RIPK2: variants seen among roughly 807,000 people sequenced by gnomAD.
RIPK2 encodes receptor-interacting serine/threonine-protein kinase 2.
RIPK2 carries 38 observed loss-of-function variants against 60.9 expected under a neutral mutation model. The ratio of observed to expected loss-of-function variants is 0.62; its 90% CI spans 0.48 to 0.82. RIPK2 has a LOEUF of 0.82. Among genes scored for constraint, RIPK2 ranks in the 40% least tolerant of loss-of-function variants. The pLI is 0.00. For synonymous variants in RIPK2, 225 were observed against 223.4 expected, an observed-to-expected ratio of 1.01 and a Z score of -0.06; for missense variants, 518 against 647.0, an observed-to-expected ratio of 0.80 and a Z score of 2.16.
chr8:89,758,221 C>A lies in RIPK2; in HGVS notation c.161C>A (p.Pro54Gln), dbSNP rs1243773158. The A allele has an allele frequency of 1.9e-6, 3 of 1,606,348 alleles. No homozygotes were observed. The Admixed American group carries it at 5.0e-5, about 27-fold the overall frequency. ...GTGAAGCACCTGCACATCCACACTC[C>A]GCTGCTCGACAGGTAGGCAGTCACT... ...VAVKHLHIHT[P>Q]LLDSERKDVL... The change falls in exon 1 of 11, where the codon CCG (proline) becomes CAG (glutamine). Residue 54 changes from proline (P) to glutamine (Q), a missense_variant. This residue lies in a region of RIPK2 where 448 missense variants were observed against 534.7 expected (regional missense o/e 0.84). Coordinates refer to ENST00000220751, the MANE Select transcript of RIPK2 (RefSeq NM_003821.6).
At chr8:89,784,021 G>A (rs1809542358) in intron 7 of RIPK2, 29 bp from the exon 8 acceptor site, 1 of 1,168,660 alleles carries the variant, frequency 8.6e-7, no homozygotes, top group Non-Finnish European at 1.2e-6. Flanking sequence ...TCCAGTTAAA[G>A]TGTATATATA....
At chr8:89,762,451 T>C (rs1415606131) in intron 1 of RIPK2, among the ~76,000 whole-genome samples, 1 of 152,202 alleles carries the variant, frequency 6.6e-6, no homozygotes, top group Non-Finnish European at 1.5e-5. Flanking sequence ...TAATAAAACA[T>C]GCTCATTTGA....
chr8:89,765,596 A>G (rs1809214156), intron 3 of RIPK2, 100 bp downstream of exon 3: 1 of 682,752 alleles, frequency 1.5e-6, no homozygotes, highest in Admixed American at 3.0e-5. Context: ...GTCTCTCCTT[A>G]GAGATAGAGA....
chr8:89,779,749 G>A (rs781088810), intron 6 of RIPK2, among the ~76,000 whole-genome samples: 1 of 152,168 alleles, frequency 6.6e-6, no homozygotes, highest in Non-Finnish European at 1.5e-5. Context: ...TAGTTTTTAT[G>A]TGTAGTGTGA....
chr8:89,767,347 A>G (rs1041828543), intron 3 of RIPK2, among the ~76,000 whole-genome samples: 4 of 151,730 alleles, frequency 2.6e-5, no homozygotes, highest in African/African-American at 9.7e-5. Context: ...TCAGAAAATT[A>G]TTATAAATAT....
intron 3 of RIPK2, among the ~76,000 whole-genome samples, chr8:89,769,283 T>G (rs1007194494): frequency 3.3e-5 from 5 of 151,882 alleles, no homozygotes; most frequent in Non-Finnish European, 7.4e-5. Context: ...ATTTTGAGAT[T>G]TAGTGTATTT....
rs143223413 is a variant in RIPK2 at position 89,782,406 on chromosome 8, A to G, written c.940-1644A>G. 4.0e-3 allele frequency among the ~76,000 whole-genome samples: 615 copies of G among 152,338 alleles called. 4 individuals are homozygous for G. Among genetic ancestry groups the G allele is most frequent in the African/African-American group, 0.014 (589 of 41,572 alleles). On this transcript the variant is annotated intron_variant, in intron 7 of 10. Transcript: ENST00000220751. ...AACTGCGGAAAGTGAAACCAAGATAAGAGGGGGACTACCGTATAGGGAAGT... is the reference window on the plus strand; with the variant it reads ...AACTGCGGAAAGTGAAACCAAGATAGGAGGGGGACTACCGTATAGGGAAGT...
intron 1 of RIPK2, among the ~76,000 whole-genome samples, chr8:89,760,519 C>A (rs1316761508): frequency 1.3e-5 from 2 of 152,192 alleles, no homozygotes; most frequent in African/African-American, 4.8e-5. Context: ...ATTTCCCACT[C>A]ACTCAATCTT....
At chr8:89,765,606 A>G in intron 3 of RIPK2, 110 bp downstream of exon 3, 1 of 605,638 alleles carries the variant, frequency 1.7e-6, no homozygotes, top group East Asian at 2.9e-5. Flanking sequence ...AGAGATAGAG[A>G]CTAATGAATA....
intron 6 of RIPK2, among the ~76,000 whole-genome samples, chr8:89,778,261 AAC>A (rs1809435184): frequency 6.6e-6 from 1 of 152,216 alleles, no homozygotes; most frequent in African/African-American, 2.4e-5. Context: ...ATGGCAAAGT[AAC>A]ACAGTAGCAG....
At chr8:89,761,899 T>C (rs1809152387) in intron 1 of RIPK2, among the ~76,000 whole-genome samples, 1 of 152,156 alleles carries the variant, frequency 6.6e-6, no homozygotes, top group South Asian at 2.1e-4. Context: ...ATTAAACAAT[T>C]CACAATTTCC....
chr8:89,771,627 C>A (rs915862022), intron 4 of RIPK2, 114 bp from the exon 5 acceptor site: 6 of 634,342 alleles, frequency 9.5e-6, no homozygotes, highest in Admixed American at 3.2e-5. Flanking sequence ...TTCTTTGCTG[C>A]CTTATCACTT....
intron 7 of RIPK2, among the ~76,000 whole-genome samples, chr8:89,780,939 CA>C (rs942284744): frequency 6.7e-6 from 1 of 149,494 alleles, no homozygotes; most frequent in African/African-American, 2.5e-5. Flanking sequence ...CCTATTACTG[CA>C]GGGGTTTTTT....
chr8:89,761,962 G>T (rs1809153951), intron 1 of RIPK2, among the ~76,000 whole-genome samples: 1 of 151,770 alleles, frequency 6.6e-6, no homozygotes, highest in African/African-American at 2.4e-5. Context: ...CCTACCTATT[G>T]GACGTCTGAT....
At chr8:89,772,874 T>TTCTG in intron 6 of RIPK2, 46 bp downstream of exon 6, 1 of 1,285,352 alleles carries the variant, frequency 7.8e-7, no homozygotes, top group Non-Finnish European at 1.1e-6. Flanking sequence ...ACAGAATTAG[T>TTCTG]TAATATACTG....
rs1809376321 is a variant in RIPK2, at chr8:89,775,170, G to A, written c.853+2342G>A. 2.0e-5 allele frequency among the ~76,000 whole-genome samples: 3 copies of A among 152,168 alleles called. No homozygotes were observed. The South Asian group carries it at 6.2e-4, about 31-fold the overall frequency. On this transcript the variant is annotated intron_variant, in intron 6 of 10. Transcript: ENST00000220751. ...TTTTTTCCTATGGCCAGGCACAGTG[G>A]CCCATGCCTGTAATCCCAGCACTTT...
chr8:89,790,215 T>C lies in RIPK2; in HGVS notation c.1422T>C (p.Tyr474=). The C allele has an allele frequency of 6.2e-7, 1 of 1,614,140 alleles. No individual in the cohort carries two copies. ...LSRDLIMKED[Y]ELVSTKPTRT... Reference sequence around the variant, plus strand: ...GGGACTTGATCATGAAAGAGGACTATGAACTTGTTAGTACCAAGCCTACAA... The same window carrying C: ...GGGACTTGATCATGAAAGAGGACTACGAACTTGTTAGTACCAAGCCTACAA... Residue 474 remains tyrosine (Y), a synonymous_variant, in exon 11 of 11, where the codon TAT becomes TAC. Transcript: ENST00000220751.
intron 1 of RIPK2, chr8:89,759,219 C>A: frequency 2.2e-6 from 1 of 446,736 alleles, no homozygotes. Context: ...GGAAGGTTAG[C>A]ATTAGTTTCT....
intron 1 of RIPK2, 87 bp downstream of exon 1, chr8:89,758,320 G>C: frequency 7.3e-7 from 1 of 1,364,126 alleles, no homozygotes; most frequent in Non-Finnish European, 9.8e-7. Flanking sequence ...GAGCCCAAAT[G>C]GCAGTGACCG....
Sources: allele counts gnomAD v4.1 joint callset (sites outside exome capture counted in the v4.1 genomes callset), GRCh38; gene constraint gnomAD v4.1.1; regional missense constraint gnomAD v4.1.1; transcripts MANE v1.5; gene names NCBI Gene and HGNC (gene_info 2026-07-23, HGNC 2026-07-21).